Variants in LIPA observed in about 807,000 individuals in gnomAD.
LIPA encodes the protein lysosomal acid lipase/cholesteryl ester hydrolase.
Under a neutral mutation model 40.6 loss-of-function variants are expected in LIPA, and 26 were observed. The observed-to-expected ratio is 0.64, with a 90% CI of 0.47 to 0.89. The LOEUF (loss-of-function observed/expected upper bound fraction) is 0.89, where lower values mean the gene tolerates loss of function less well. Ranked by LOEUF, LIPA falls within the 40% of genes least tolerant of loss-of-function variation. The probability of loss-of-function intolerance (pLI) is 0.00; values close to 1 mark genes in which losing one functional copy is unlikely to be tolerated. For missense variants in LIPA, 455 were observed against 479.6 expected (o/e 0.95, Z 0.48); for synonymous variants, 188 against 168.4 (o/e 1.12, Z -0.90).
intron 2 of LIPA, among the ~76,000 whole-genome samples, chr10:89,359,066 T>C (rs12269110): frequency 0.021 from 3,240 of 152,236 alleles, 63 homozygotes; most frequent in African/African-American, 0.055. Flanking sequence ...CCAGCAGGTG[T>C]CAGGGGTTTT....
At chr10:89,358,672 C>A (rs1392345360) in intron 2 of LIPA, among the ~76,000 whole-genome samples, 1 of 152,098 alleles carries the variant, frequency 6.6e-6, no homozygotes, top group Non-Finnish European at 1.5e-5. Context: ...AAGCTAGGCA[C>A]AGAAAGACAA....
chr10:89,320,391 T>G (rs1843564820), intron 1 of LIPA, among the ~76,000 whole-genome samples: 2 of 152,176 alleles, frequency 1.3e-5, no homozygotes, highest in Admixed American at 1.3e-4. Context: ...AAAATCAATG[T>G]GCAAAAATCA....
intron 1 of LIPA, among the ~76,000 whole-genome samples, chr10:89,320,714 C>A (rs1270229940): frequency 6.6e-6 from 1 of 152,194 alleles, no homozygotes; most frequent in Non-Finnish European, 1.5e-5. Flanking sequence ...TTGGAAAAAA[C>A]TACTTTAAAG....
chr10:89,383,745 G>A lies in LIPA; in HGVS notation c.61+29046C>T, dbSNP rs909362712. ...TGGAGTGTCCAGAGGTGGACTGTGA[G>A]GAAGGATGGGCCTTGGCGAAGTGTG... On this transcript the variant is annotated intron_variant, in intron 2 of 8. Coordinates refer to the LIPA transcript ENST00000371837. The A allele has an allele frequency of 7.4e-6, 12 of 1,614,090 alleles. No homozygotes were observed. In the African/African-American group the frequency reaches 1.6e-4, roughly 22 times the overall value.
At chr10:89,413,099 A>T (rs758738239) in intron 1 of LIPA, among the ~76,000 whole-genome samples, 1 of 152,210 alleles carries the variant, frequency 6.6e-6, no homozygotes, top group Non-Finnish European at 1.5e-5. Context: ...AAGTGAGAAC[A>T]TGCAGTGTTT....
rs577022839 is a variant in LIPA at position 89,410,648 on chromosome 10, T to A, written c.61+2143A>T. The stretch of plus-strand genomic sequence containing the variant: ...GAAAGGAAAAAGCAATAAATGTGTA[T>A]ACAGAGAGCAACCATGCTTATCTAA... On this transcript the variant is annotated intron_variant, in intron 2 of 8. Coordinates refer to the LIPA transcript ENST00000371837. 1.4e-3 allele frequency among the ~76,000 whole-genome samples: 209 copies of A among 152,324 alleles called. 1 individual carries two copies. The highest frequency in any genetic ancestry group is 2.4e-3 in the Non-Finnish European group (166 of 68,028).
chr10:89,315,748 T>C (rs1405097862), intron 1 of LIPA, among the ~76,000 whole-genome samples: 1 of 152,138 alleles, frequency 6.6e-6, no homozygotes, highest in Non-Finnish European at 1.5e-5. Flanking sequence ...AGCTCACAGA[T>C]CCCTCCAGGG....
chr10:89,291,533 A>T (rs1843374972), intron 1 of LIPA, among the ~76,000 whole-genome samples: 1 of 152,190 alleles, frequency 6.6e-6, no homozygotes, highest in Non-Finnish European at 1.5e-5. Flanking sequence ...TGAGTTATAT[A>T]GTCTTAACTA....
chr10:89,232,626 G>A (rs543025031), intron 3 of LIPA, among the ~76,000 whole-genome samples: 81 of 152,342 alleles, frequency 5.3e-4, no homozygotes, highest in African/African-American at 1.9e-3. Flanking sequence ...ATAATTGAGA[G>A]AGGAGAAGGA....
At chr10:89,379,048 A>C (rs1357797884) in intron 2 of LIPA, among the ~76,000 whole-genome samples, 4 of 152,210 alleles carry the variant, frequency 2.6e-5, no homozygotes, top group Non-Finnish European at 5.9e-5. Context: ...AGGTGAGAAG[A>C]AGCAGCTATT....
chr10:89,335,622 C>G (rs1323532472), intron 1 of LIPA: 1 of 151,604 alleles, frequency 6.6e-6, no homozygotes, highest in Non-Finnish European at 1.5e-5. Context: ...GCAAATACAT[C>G]CAACAATACA....
At chr10:89,306,694 A>C in intron 1 of LIPA, 1 of 1,614,166 alleles carries the variant, frequency 6.2e-7, no homozygotes, top group Non-Finnish European at 8.5e-7. Flanking sequence ...CCCCAGGTGT[A>C]ACAGATGTTC....
intron 2 of LIPA, among the ~76,000 whole-genome samples, chr10:89,395,724 A>T (rs535849149): frequency 6.6e-6 from 1 of 152,198 alleles, no homozygotes; most frequent in African/African-American, 2.4e-5. Flanking sequence ...AGAAAGGCAC[A>T]TTGTAAATAT....
upstream of LIPA, among the ~76,000 whole-genome samples, chr10:89,345,167 TA>T (rs200363600): frequency 2.4e-4 from 32 of 135,864 alleles, no homozygotes; most frequent in Middle Eastern, 3.7e-3. Context: ...TCTGTCTCAA[TA>T]AAAAAAAAAA....
At chr10:89,282,663 G>A (rs1843322479) in intron 1 of LIPA, among the ~76,000 whole-genome samples, 2 of 151,812 alleles carry the variant, frequency 1.3e-5, no homozygotes, top group Admixed American at 6.6e-5. Flanking sequence ...AAAAAAGAAA[G>A]AAAGAAAACA....
At chr10:89,241,978 T>C (rs1236813585) in intron 3 of LIPA, among the ~76,000 whole-genome samples, 5 of 152,072 alleles carry the variant, frequency 3.3e-5, no homozygotes, top group Non-Finnish European at 7.4e-5. Flanking sequence ...GGCTGTCTTA[T>C]CCAACAAAAT....
In LIPA at chr10:89,332,408, G is replaced by T. The variant is rs1042043593; in HGVS notation, c.-2+10203C>A. 3.5e-6 allele frequency: 4 copies of T among 1,157,586 alleles called. No homozygotes were observed. In the African/African-American group the frequency reaches 6.3e-5, roughly 18 times the overall value. The allele number at this position is 1,157,586 out of a possible 1,614,324, so 71.7% of individuals were successfully genotyped here. Reference sequence around the variant, plus strand: ...TCTGTCTGGAACATGTTCCTGGCGTGAGTGAGCTCAGTTCTCACAGATTCT... The same window carrying T: ...TCTGTCTGGAACATGTTCCTGGCGTTAGTGAGCTCAGTTCTCACAGATTCT... On this transcript the variant is annotated intron_variant, in intron 1 of 5. Transcript: ENST00000282673.
At chr10:89,332,356 A>T in intron 1 of LIPA, 1 of 697,600 alleles carries the variant, frequency 1.4e-6, no homozygotes, top group Non-Finnish European at 2.2e-6. Context: ...GTGCCTTTTT[A>T]CAACTTTCAA....
intron 8 of LIPA, among the ~76,000 whole-genome samples, chr10:89,217,440 T>C (rs1331771072): frequency 6.6e-6 from 1 of 152,226 alleles, no homozygotes; most frequent in African/African-American, 2.4e-5. Context: ...CCCATCTTTG[T>C]CAGTGAAAAT....
Sources: allele counts gnomAD v4.1 joint callset (sites outside exome capture counted in the v4.1 genomes callset), GRCh38; gene constraint gnomAD v4.1.1; transcripts MANE v1.5; gene names NCBI Gene and HGNC (gene_info 2026-07-23, HGNC 2026-07-21).